PM20D2: variants seen among roughly 807,000 people sequenced by gnomAD.
The protein encoded by PM20D2 is peptidase M20 domain containing 2, also known as xaa-Arg dipeptidase.
A neutral mutation model predicts 42.9 loss-of-function variants in PM20D2; 33 were observed. That is an observed-to-expected ratio of 0.77 (90% confidence interval 0.58 to 1.03). The LOEUF is 1.03. PM20D2 is among the 50% of genes least tolerant of loss of function. The pLI is 0.00. For missense variants in PM20D2, 548 were observed against 557.0 expected (o/e 0.98, Z 0.16); for synonymous variants, 250 against 228.2 (o/e 1.10, Z -0.86).
chr6:89,117,717 T>C, the PM20D2 span: 2 of 1,162,908 alleles, frequency 1.7e-6, no homozygotes, highest in Non-Finnish European at 2.3e-6. Flanking sequence ...GCGGGGAGGC[T>C]CCGCGCAGCT....
the PM20D2 span, among the ~76,000 whole-genome samples, chr6:89,094,662 C>T: frequency 6.6e-6 from 1 of 151,960 alleles, no homozygotes; most frequent in Non-Finnish European, 1.5e-5. Context: ...GATTTAAATG[C>T]TAAGGTGCAT....
At chr6:89,100,204 C>A in the PM20D2 span, among the ~76,000 whole-genome samples, 5 of 152,242 alleles carry the variant, frequency 3.3e-5, no homozygotes. Context: ...CAGCAAAAAA[C>A]CGGAATTCAG....
chr6:89,157,196 T>C (rs1771078927), intron 4 of PM20D2, among the ~76,000 whole-genome samples: 1 of 152,118 alleles, frequency 6.6e-6, no homozygotes, highest in South Asian at 2.1e-4. Flanking sequence ...CTCCCAAAGT[T>C]CTGGGATTGC....
chr6:89,145,997 C>G (rs1770519577), upstream of PM20D2: 1 of 629,210 alleles, frequency 1.6e-6, no homozygotes, highest in Non-Finnish European at 2.3e-6. Flanking sequence ...GGGGCGGCCC[C>G]GGGACTGGGG....
Position 89,161,399 on chromosome 6 carries a change from C to T in PM20D2, c.1049-384C>T, listed in dbSNP as rs113838999. On this transcript the variant is annotated intron_variant, in intron 5 of 6. Coordinates refer to ENST00000275072, the MANE Select transcript of PM20D2 (RefSeq NM_001010853.3). The stretch of plus-strand genomic sequence containing the variant: ...GAGTCTCCCGTAACTATTATTTCAT[C>T]GTCAGGTAGAGGGGGCTCTATCCCC... 7.5e-3 allele frequency among the ~76,000 whole-genome samples: 1,142 copies of T among 152,228 alleles called. 15 individuals are homozygous for T. The highest frequency in any genetic ancestry group is 0.026 in the African/African-American group (1,081 of 41,532).
In PM20D2 at chr6:89,146,298, G is replaced by T; in HGVS notation, c.154G>T (p.Ala52Ser). The T allele has an allele frequency of 6.3e-7, 1 of 1,582,240 alleles. No homozygotes were observed. Residue 52 changes from alanine to serine, a missense_variant, in exon 1 of 7, where the codon GCC (alanine) becomes TCC (serine). Physicochemically the swap from Ala to Ser is moderately conservative, Grantham distance 99 (BLOSUM62 1). Around this residue, in one of 3 missense-constraint regions of PM20D2, gnomAD observed 470 missense variants for 464.4 expected, o/e 1.01. Transcript: ENST00000275072. ...CGCGATCTGGAGCCAGCCCGAGCTG[G>T]CCTACGAGGAGCACCATGCCCACCG... ...SRAIWSQPEL[A>S]YEEHHAHRVL...
the PM20D2 span, among the ~76,000 whole-genome samples, chr6:89,125,035 C>T: frequency 1.3e-5 from 2 of 151,882 alleles, no homozygotes; most frequent in Non-Finnish European, 2.9e-5. Context: ...CTGTACCTGG[C>T]CCCATCAAGA....
the PM20D2 span, chr6:89,098,826 A>G: frequency 1.2e-6 from 2 of 1,613,820 alleles, no homozygotes; most frequent in East Asian, 2.2e-5. Context: ...TTGGACCTTG[A>G]CCGTCCTCTA....
the PM20D2 span, chr6:89,098,384 T>C: frequency 5.2e-6 from 3 of 577,346 alleles, no homozygotes; most frequent in Admixed American, 1.2e-4. Flanking sequence ...AGACAAATCA[T>C]AATTTGTAGT....
At chr6:89,101,763 A>C in the PM20D2 span, among the ~76,000 whole-genome samples, 1 of 152,192 alleles carries the variant, frequency 6.6e-6, no homozygotes, top group African/African-American at 2.4e-5. Flanking sequence ...AATTTCTTTC[A>C]AAGGAGCAAC....
intron 2 of PM20D2, among the ~76,000 whole-genome samples, 173 bp from the exon 3 acceptor site, chr6:89,152,870 A>G (rs1268781137): frequency 3.3e-5 from 5 of 152,202 alleles, no homozygotes; most frequent in Non-Finnish European, 5.9e-5. Flanking sequence ...ACCTAATAAT[A>G]AACTATAACT....
the PM20D2 span, among the ~76,000 whole-genome samples, chr6:89,113,786 G>A: frequency 6.6e-6 from 1 of 152,062 alleles, no homozygotes; most frequent in South Asian, 2.1e-4. Flanking sequence ...TGAACTACAG[G>A]TGCGCACTAC....
the PM20D2 span, chr6:89,107,292 G>A: frequency 6.6e-7 from 1 of 1,523,478 alleles, no homozygotes. Context: ...AAAGAAATAT[G>A]AATAGCTGGA....
At chr6:89,124,614 C>G in the PM20D2 span, among the ~76,000 whole-genome samples, 1 of 150,736 alleles carries the variant, frequency 6.6e-6, no homozygotes, top group East Asian at 1.9e-4. Flanking sequence ...ACTCGATGAG[C>G]AAAGGGACAT....
chr6:89,162,464 TATG>T lies in PM20D2; in HGVS notation c.*204_*206del, dbSNP rs2127783140. On this transcript the variant is annotated 3_prime_UTR_variant, in exon 7 of 7. Transcript: ENST00000275072. ...TTTGCAAATCCGTACTTGATAGGATTATGATATTACAGGAGCTGGTATGTGATG... is the reference window on the plus strand; with the variant it reads ...TTTGCAAATCCGTACTTGATAGGATTATATTACAGGAGCTGGTATGTGATG... 1 of 474,600 alleles carries T rather than the reference TATG, an allele frequency of 2.1e-6. No homozygotes were observed. Among genetic ancestry groups the T allele is most frequent in the Non-Finnish European group, 3.7e-6 (1 of 273,648 alleles). The allele number at this position is 474,600 out of a possible 1,614,324, so 29.4% of individuals were successfully genotyped here.
At chr6:89,136,416 G>A in the PM20D2 span, among the ~76,000 whole-genome samples, 1 of 151,210 alleles carries the variant, frequency 6.6e-6, no homozygotes, top group African/African-American at 2.5e-5. Context: ...AGTGGCTCAC[G>A]CCTGTAATCC....
chr6:89,110,933 T>C, the PM20D2 span, among the ~76,000 whole-genome samples: 16 of 151,424 alleles, frequency 1.1e-4, no homozygotes, highest in Middle Eastern at 3.4e-3. Context: ...CTGAGCAACA[T>C]AGTGAGACCC....
chr6:89,120,353 G>T, the PM20D2 span, among the ~76,000 whole-genome samples: 32 of 152,158 alleles, frequency 2.1e-4, no homozygotes, highest in African/African-American at 7.5e-4. Flanking sequence ...CATCTGCAAA[G>T]ATTCTTTTTC....
chr6:89,146,587 C>G lies in PM20D2; in HGVS notation c.443C>G (p.Pro148Arg). 1.4e-6 allele frequency: 2 copies of G among 1,463,224 alleles called. No individual in the cohort carries two copies. Among genetic ancestry groups the G allele is most frequent in the South Asian group, 2.6e-5 (2 of 75,846 alleles). The allele number at this position is 1,463,224 out of a possible 1,614,324, so 90.6% of individuals were successfully genotyped here. A position where few individuals can be genotyped will look rare whatever the true frequency, so the allele number is the denominator to read the frequency against. Residue 148 changes from proline (P) to arginine (R), a missense_variant, in exon 1 of 7, where the codon CCC becomes CGC. This residue lies in a region of PM20D2 where 470 missense variants were observed against 464.4 expected (regional missense o/e 1.01). Coordinates refer to ENST00000275072, the MANE Select transcript of PM20D2 (RefSeq NM_001010853.3). ...LGVRGALEGL[P>R]RPPPPVKVVV... is the part of the protein sequence containing the mutation. Reference sequence around the variant, plus strand: ...GTGAGGGGGGCCTTAGAGGGCCTCCCCAGGCCGCCTCCGCCCGTGAAGGTG... The same window carrying G: ...GTGAGGGGGGCCTTAGAGGGCCTCCGCAGGCCGCCTCCGCCCGTGAAGGTG...
Sources: gnomAD v4.1 joint callset for allele counts (sites outside exome capture counted in the v4.1 genomes callset) on GRCh38, gnomAD v4.1.1 for gene constraint, gnomAD v4.1.1 regional missense constraint, MANE v1.5 for transcripts, NCBI Gene and HGNC (gene_info 2026-07-23, HGNC 2026-07-21) for gene names.